The following PTPRF variants were observed in gnomAD, a reference collection of about 807,000 sequenced individuals.
The protein encoded by PTPRF is protein tyrosine phosphatase receptor type F.
A neutral mutation model predicts 201.8 loss-of-function variants in PTPRF; 59 were observed. That is an observed-to-expected ratio of 0.29 (90% CI 0.24 to 0.36). PTPRF has a LOEUF of 0.36. PTPRF is among the 10% of genes least tolerant of loss of function. The probability of loss-of-function intolerance (pLI) is 1.00; values close to 1 mark genes in which losing one functional copy is unlikely to be tolerated. For missense variants in PTPRF, 2,132 were observed against 2,690.5 expected, an observed-to-expected ratio of 0.79 and a Z score of 4.59; for synonymous variants, 1,088 against 1,089.7, an observed-to-expected ratio of 1.00 and a Z score of 0.03.
At chr1:43,582,948 C>A (rs923461790) in intron 7 of PTPRF, 4 of 468,096 alleles carry the variant, frequency 8.5e-6, no homozygotes, top group Non-Finnish European at 1.1e-5. Context: ...ACAGGAGTCT[C>A]GTCTCGTCTC....
chr1:43,597,861 T>A lies in PTPRF; in HGVS notation c.1927T>A (p.Ser643Thr), dbSNP rs745583010. 3.7e-6 allele frequency: 6 copies of A among 1,608,794 alleles called. No homozygotes were observed. The highest frequency in any genetic ancestry group is 5.1e-6 in the Non-Finnish European group (6 of 1,178,208). The part of the protein sequence containing the change: ...DSRNGVITQY[S>T]VAYEAVDGED... The stretch of plus-strand genomic sequence containing the variant: ...CCGCAACGGCGTTATCACCCAGTAC[T>A]CCGTGGCCTACGAGGCGGTGGACGG... Residue 643 changes from serine to threonine, a missense_variant, in exon 12 of 34, where the codon TCC (serine) becomes ACC (threonine). Ser to Thr is a moderately conservative substitution (Grantham distance 58). Around this residue, in one of 6 missense-constraint regions of PTPRF, gnomAD observed 125 missense variants for 211.9 expected, o/e 0.59. Coordinates refer to ENST00000359947, the MANE Select transcript of PTPRF (RefSeq NM_002840.5).
At chr1:43,608,956 C>T (rs1270979479) in intron 21 of PTPRF, among the ~76,000 whole-genome samples, 1 of 152,102 alleles carries the variant, frequency 6.6e-6, no homozygotes, top group East Asian at 1.9e-4. Context: ...TACCCTGATA[C>T]TCTGAGGGCC....
intron 23 of PTPRF, among the ~76,000 whole-genome samples, chr1:43,615,943 GAC>G (rs1232897689): frequency 1.3e-5 from 2 of 152,092 alleles, no homozygotes; most frequent in African/African-American, 4.8e-5. Flanking sequence ...GGGATGTGGA[GAC>G]ACATGCCCTC....
chr1:43,586,412 C>T (rs143832821), intron 7 of PTPRF, among the ~76,000 whole-genome samples: 2,587 of 152,336 alleles, frequency 0.017, 36 homozygotes, highest in Middle Eastern at 0.037. Context: ...GGGTGGTGGT[C>T]CTGGCTGAGC....
chr1:43,615,067 G>A (rs753009173), intron 23 of PTPRF, among the ~76,000 whole-genome samples: 13 of 152,114 alleles, frequency 8.5e-5, no homozygotes, highest in African/African-American at 1.2e-4. Flanking sequence ...GTGAGTTTGC[G>A]CCCCTTCTGA....
In PTPRF at chr1:43,588,715, C is replaced by G; in HGVS notation, c.680-16C>G. On this transcript the variant is annotated splice_polypyrimidine_tract_variant and intron_variant, in intron 7 of 33. Coordinates refer to ENST00000359947, the MANE Select transcript of PTPRF (RefSeq NM_002840.5). This position sits in a 1 kb window ranked among gnomAD's most constrained non-coding sequence, Gnocchi z 5.3. ...TCCTGCCCGGCCTGTGAGTGCCTCT[C>G]TCCCTCCTCCTGCAGTGCGCCGCGT... 6.2e-7 allele frequency: 1 copy of G among 1,611,622 alleles called. No individual in the cohort carries two copies. Among genetic ancestry groups the G allele is most frequent in the Non-Finnish European group, 8.5e-7 (1 of 1,179,692 alleles).
At chr1:43,545,259 G>A in intron 3 of PTPRF, 93 bp downstream of exon 3, 7 of 1,338,122 alleles carry the variant, frequency 5.2e-6, no homozygotes, top group Non-Finnish European at 7.2e-6. Flanking sequence ...CGGCTACTAG[G>A]AGAGACAGGG....
At chr1:43,572,350 T>C (rs568476934) in intron 6 of PTPRF, among the ~76,000 whole-genome samples, 17 of 152,348 alleles carry the variant, frequency 1.1e-4, no homozygotes, top group Non-Finnish European at 2.2e-4. Context: ...CACTCCTCCT[T>C]CTGCTTTCCA....
At chr1:43,547,663 T>C (rs1169200600) in intron 3 of PTPRF, among the ~76,000 whole-genome samples, 1 of 152,202 alleles carries the variant, frequency 6.6e-6, no homozygotes, top group Non-Finnish European at 1.5e-5. Flanking sequence ...TGGACAAATG[T>C]GTTTCAATAG....
Position 43,603,907 on chromosome 1 carries a change from C to T in PTPRF, c.2755C>T (p.Pro919Ser). 1.2e-6 allele frequency: 2 copies of T among 1,614,088 alleles called. No individual in the cohort carries two copies. The highest frequency in any genetic ancestry group is 1.7e-6 in the Non-Finnish European group (2 of 1,180,040). The change falls in exon 16 of 34, where the codon CCC becomes TCC. Residue 919 changes from proline (P) to serine (S), a missense_variant. By Grantham distance (74) the Pro-to-Ser change is moderately conservative. Around this residue, in one of 6 missense-constraint regions of PTPRF, gnomAD observed 818 missense variants for 915.3 expected, o/e 0.89. Transcript: ENST00000359947. The surrounding 1 kb of genome is among the most constrained non-coding windows in gnomAD (Gnocchi z 5.8). Reference protein sequence around the residue: ...RTPEDLPSGFPQNLHVTGLTT... With the variant: ...RTPEDLPSGFSQNLHVTGLTT... Reference sequence around the variant, plus strand: ...CCCCGAGGACCTGCCCAGCGGCTTCCCCCAAAACCTGCATGTGACAGGACT... The same window carrying T: ...CCCCGAGGACCTGCCCAGCGGCTTCTCCCAAAACCTGCATGTGACAGGACT...
upstream of PTPRF, among the ~76,000 whole-genome samples, chr1:43,529,052 A>G (rs1229180557): frequency 1.3e-5 from 2 of 152,198 alleles, no homozygotes; most frequent in African/African-American, 4.8e-5. Flanking sequence ...AATGGGCAGG[A>G]ATAATTGGCT....
intron 6 of PTPRF, among the ~76,000 whole-genome samples, chr1:43,572,763 C>T (rs1363721090): frequency 1.3e-5 from 2 of 152,176 alleles, no homozygotes; most frequent in African/African-American, 4.8e-5. Context: ...TGAAGTAGGA[C>T]AGGCTGTGAT....
Position 43,569,603 on chromosome 1 carries a change from C to G in PTPRF, c.393C>G (p.Pro131=), listed in dbSNP as rs999105492. The G allele has an allele frequency of 6.2e-7, 1 of 1,607,088 alleles. No homozygotes were observed. ...GTTTGTCTGCAGAGGAACAGCTGCC[C>G]CCTGGGTTCCCTTCCATCGACATGG... The part of the protein sequence containing the change: ...KLSVLEEEQL[P]PGFPSIDMGP... The change falls in exon 6 of 34, where the codon CCC becomes CCG. Residue 131 remains proline (P), a synonymous_variant. Coordinates refer to ENST00000359947, the MANE Select transcript of PTPRF (RefSeq NM_002840.5).
In PTPRF at chr1:43,537,882, G is replaced by A. The variant is rs1459754377; in HGVS notation, c.-125-316G>A. On this transcript the variant is annotated intron_variant, in intron 1 of 33. Coordinates refer to ENST00000359947, the MANE Select transcript of PTPRF (RefSeq NM_002840.5). The surrounding 1 kb of genome is among the most constrained non-coding windows in gnomAD (Gnocchi z 4.8). ...GGGGCCGACTCTGCTTGGCTCTGGG[G>A]TCATGCTGAGGAGCTGGGCCACAGA... is the stretch of plus-strand genomic sequence containing the variant. 6.6e-6 allele frequency among the ~76,000 whole-genome samples: 1 copy of A among 152,254 alleles called. No homozygotes were observed. Among genetic ancestry groups the A allele is most frequent in the East Asian group, 1.9e-4 (1 of 5,152 alleles).
chr1:43,529,438 C>A (rs950797163), upstream of PTPRF, among the ~76,000 whole-genome samples: 2 of 152,230 alleles, frequency 1.3e-5, no homozygotes, highest in African/African-American at 4.8e-5. Context: ...ACCACGTGAT[C>A]CCTGAATCCA....
chr1:43,615,365 C>T (rs1029817590), intron 23 of PTPRF, among the ~76,000 whole-genome samples: 1 of 152,112 alleles, frequency 6.6e-6, no homozygotes, highest in East Asian at 1.9e-4. Context: ...TTCCTTCCAG[C>T]GCAGCCCTGC....
chr1:43,593,348 T>G (rs989320491), intron 11 of PTPRF, among the ~76,000 whole-genome samples: 1 of 152,088 alleles, frequency 6.6e-6, no homozygotes, highest in Non-Finnish European at 1.5e-5. Flanking sequence ...ACCCTTGTCT[T>G]TGTGGGCGAC....
chr1:43,560,827 C>G (rs529685123), intron 5 of PTPRF, among the ~76,000 whole-genome samples: 6 of 152,174 alleles, frequency 3.9e-5, no homozygotes, highest in African/African-American at 7.2e-5. Context: ...GGGACCCTTT[C>G]CTCTCCCTCC....
At chr1:43,549,025 C>A (rs1417872442) in intron 3 of PTPRF, among the ~76,000 whole-genome samples, 1 of 152,232 alleles carries the variant, frequency 6.6e-6, no homozygotes. Context: ...TCCCACCCTG[C>A]ATGGGCTTGG....
Sources: gnomAD v4.1 joint callset for allele counts (sites outside exome capture counted in the v4.1 genomes callset) on GRCh38, gnomAD v4.1.1 for gene constraint, gnomAD v4.1.1 regional missense constraint, Gnocchi (gnomAD v3.1) non-coding constraint, MANE v1.5 for transcripts, NCBI Gene and HGNC (gene_info 2026-07-23, HGNC 2026-07-21) for gene names.